Variants in CNTN3 observed in about 807,000 individuals in gnomAD.
CNTN3 encodes the protein contactin-3.
A neutral mutation model predicts 119.1 loss-of-function variants in CNTN3; 60 were observed. The ratio of observed to expected loss-of-function variants is 0.50; its 90% confidence interval spans 0.41 to 0.62. The LOEUF is 0.62. CNTN3 is among the 20% of genes least tolerant of loss of function. CNTN3 has a pLI of 0.00. For missense variants in CNTN3, 1,101 were observed against 1,242.4 expected, an observed-to-expected ratio of 0.89 and a Z score of 1.71; for synonymous variants, 450 against 438.7, an observed-to-expected ratio of 1.03 and a Z score of -0.32.
At chr3:74,508,666 T>C (rs1241163988) in intron 2 of CNTN3, among the ~76,000 whole-genome samples, 3 of 152,164 alleles carry the variant, frequency 2.0e-5, no homozygotes, top group Non-Finnish European at 4.4e-5. Context: ...TTCCTTTATA[T>C]TCTATTCTAC....
intron 1 of CNTN3, among the ~76,000 whole-genome samples, chr3:74,579,902 T>C (rs981594508): frequency 6.6e-6 from 1 of 152,072 alleles, no homozygotes; most frequent in African/African-American, 2.4e-5. Flanking sequence ...CAAAACATTT[T>C]AAAAGGACAA....
chr3:74,266,138 T>G (rs917127100), intron 22 of CNTN3, among the ~76,000 whole-genome samples: 3 of 152,104 alleles, frequency 2.0e-5, no homozygotes, highest in Non-Finnish European at 2.9e-5. Flanking sequence ...GGCAAATAAC[T>G]AGACTATTAA....
At chr3:74,304,184 G>A (rs892162038) in intron 13 of CNTN3, among the ~76,000 whole-genome samples, 1 of 152,144 alleles carries the variant, frequency 6.6e-6, no homozygotes, top group Non-Finnish European at 1.5e-5. Flanking sequence ...TGAAATTTGT[G>A]AGAACTGGAA....
chr3:74,459,275 G>C (rs7428834), intron 4 of CNTN3, among the ~76,000 whole-genome samples: 1 of 151,640 alleles, frequency 6.6e-6, no homozygotes, highest in African/African-American at 2.4e-5. Context: ...TCCTCATGCC[G>C]AATCAATCTA....
intron 4 of CNTN3, among the ~76,000 whole-genome samples, chr3:74,469,134 T>C (rs1702515563): frequency 6.6e-6 from 1 of 152,128 alleles, no homozygotes; most frequent in Non-Finnish European, 1.5e-5. Flanking sequence ...CAGAAGAGTA[T>C]TTTAAATAAT....
chr3:74,562,022 C>CG (rs1192905626), intron 1 of CNTN3, among the ~76,000 whole-genome samples: 1 of 152,064 alleles, frequency 6.6e-6, no homozygotes, highest in Non-Finnish European at 1.5e-5. Flanking sequence ...ACAGGAGGTA[C>CG]GAAGTATGCT....
chr3:74,269,593 T>C (rs1701729464), intron 20 of CNTN3, among the ~76,000 whole-genome samples: 2 of 152,160 alleles, frequency 1.3e-5, no homozygotes, highest in African/African-American at 2.4e-5. Context: ...TTAAAAAGAT[T>C]GTATAAGCAT....
chr3:74,590,004 T>C (rs2106684727), intron 1 of CNTN3, among the ~76,000 whole-genome samples: 1 of 150,192 alleles, frequency 6.7e-6, no homozygotes, highest in South Asian at 2.1e-4. Context: ...ATATACCTAA[T>C]GCTAAATGAC....
intron 18 of CNTN3, among the ~76,000 whole-genome samples, chr3:74,296,199 A>C (rs114779014): frequency 0.011 from 1,640 of 152,232 alleles, 13 homozygotes; most frequent in Middle Eastern, 0.02. Context: ...TTCATTTTTC[A>C]TGTTTGAACA....
At chr3:74,338,755 G>A (rs772767850) in intron 11 of CNTN3, among the ~76,000 whole-genome samples, 1 of 151,896 alleles carries the variant, frequency 6.6e-6, no homozygotes, top group Non-Finnish European at 1.5e-5. Flanking sequence ...ACTGTGTTAA[G>A]GTATATTTAA....
chr3:74,594,078 G>A (rs1248891572), intron 1 of CNTN3, among the ~76,000 whole-genome samples: 1 of 151,796 alleles, frequency 6.6e-6, no homozygotes, highest in Non-Finnish European at 1.5e-5. Flanking sequence ...CCCAGTAAGA[G>A]ATGGGGATGC....
intron 5 of CNTN3, among the ~76,000 whole-genome samples, chr3:74,385,163 A>G (rs1034757541): frequency 3.9e-5 from 6 of 152,220 alleles, no homozygotes; most frequent in Non-Finnish European, 1.5e-5. Flanking sequence ...AATTCAAATT[A>G]GCGAATTTTC....
chr3:74,588,656 T>A (rs1434027814), intron 1 of CNTN3, among the ~76,000 whole-genome samples: 5 of 152,098 alleles, frequency 3.3e-5, no homozygotes, highest in Admixed American at 6.6e-5. Context: ...AAGTCATTCC[T>A]AAGCCAAAAG....
intron 4 of CNTN3, among the ~76,000 whole-genome samples, chr3:74,455,068 G>A (rs1443123658): frequency 6.6e-6 from 1 of 152,008 alleles, no homozygotes; most frequent in Non-Finnish European, 1.5e-5. Flanking sequence ...TGCTAGATTG[G>A]GGAAGTTCTC....
At chr3:74,267,628 C>T (rs1701689753) in intron 20 of CNTN3, 3 of 381,378 alleles carry the variant, frequency 7.9e-6, no homozygotes, top group Non-Finnish European at 1.4e-5. Context: ...TGCACATGTA[C>T]CCCGAATCTA....
chr3:74,486,405 G>T, intron 4 of CNTN3, 51 bp downstream of exon 4: 2 of 1,492,938 alleles, frequency 1.3e-6, no homozygotes, highest in Non-Finnish European at 1.8e-6. Context: ...CACAAATTAA[G>T]TTACATATTT....
At chr3:74,487,602 A>G (rs907561339) in intron 3 of CNTN3, among the ~76,000 whole-genome samples, 1 of 152,196 alleles carries the variant, frequency 6.6e-6, no homozygotes, top group Non-Finnish European at 1.5e-5. Context: ...CCCCAAAACT[A>G]TTAATTGGTG....
chr3:74,594,987 T>C (rs2106693752), intron 1 of CNTN3, among the ~76,000 whole-genome samples: 1 of 152,320 alleles, frequency 6.6e-6, no homozygotes, highest in East Asian at 1.9e-4. Context: ...ATGATCACCA[T>C]TCTAACTGGC....
At chr3:74,364,786 G>C (rs764724518) in intron 9 of CNTN3, among the ~76,000 whole-genome samples, 190 bp from the exon 10 acceptor site, 2 of 152,086 alleles carry the variant, frequency 1.3e-5, no homozygotes, top group Admixed American at 6.6e-5. Context: ...CTACACATTA[G>C]AAATATGAAT....
Sources: gnomAD v4.1 joint callset for allele counts (sites outside exome capture counted in the v4.1 genomes callset) on GRCh38, gnomAD v4.1.1 for gene constraint, MANE v1.5 for transcripts, NCBI Gene and HGNC (gene_info 2026-07-23, HGNC 2026-07-21) for gene names.